TNRC18: variants seen among roughly 807,000 people sequenced by gnomAD.
TNRC18 encodes the protein trinucleotide repeat-containing gene 18 protein.
TNRC18 carries 69 observed loss-of-function variants against 226.7 expected under a neutral mutation model. The observed-to-expected ratio is 0.30, with a 90% CI of 0.25 to 0.37. TNRC18 has a LOEUF of 0.37. Among genes scored for constraint, TNRC18 ranks in the 10% least tolerant of loss-of-function variants. The pLI, the probability that TNRC18 is intolerant of heterozygous loss-of-function variation, is 1.00. For missense variants in TNRC18, 4,754 were observed against 4,256.6 expected (o/e 1.12, Z -3.25); for synonymous variants, 2,449 against 1,927.6 (o/e 1.27, Z -7.09).
rs1236611085 is a variant in TNRC18 at position 5,325,157 on chromosome 7, C to T, written c.6239G>A (p.Ser2080Asn). Residue 2080 changes from serine to asparagine, a missense_variant, in exon 20 of 30, where the codon AGC becomes AAC. Coordinates refer to ENST00000430969, the MANE Select transcript of TNRC18 (RefSeq NM_001080495.3). ...GCTCCTTTTGGCAGCGGTCAGGGAGCTGGCGTGAGGAGCCCTGGCCTCAGA... is the reference window on the plus strand; with the variant it reads ...GCTCCTTTTGGCAGCGGTCAGGGAGTTGGCGTGAGGAGCCCTGGCCTCAGA... ...LPSEARAPHASSLTAAKRSKA... is the reference protein window; with the variant it reads ...LPSEARAPHANSLTAAKRSKA... 6.4e-7 allele frequency: 1 copy of T among 1,552,166 alleles called. No individual in the cohort carries two copies. Among genetic ancestry groups the T allele is most frequent in the African/African-American group, 1.4e-5 (1 of 73,296 alleles).
chr7:5,377,467 C>T lies in TNRC18; in HGVS notation c.2365G>A (p.Gly789Ser). Residue 789 changes from glycine to serine, a missense_variant, in exon 7 of 30, where the codon GGT becomes AGT. Physicochemically the swap from Gly to Ser is moderately conservative, Grantham distance 56 (BLOSUM62 0). Transcript: ENST00000430969. The surrounding 1 kb of genome is among the most constrained non-coding windows in gnomAD (Gnocchi z 5.8). ...GCTGCGGGGTCGGCAGACCAGCGAC[C>T]TGAGCCCGCCAGCGCCGGGCCCCCC... ...VTGGPALAGSGRWSADPAAHL... is the reference protein window; with the variant it reads ...VTGGPALAGSSRWSADPAAHL... 1 of 1,576,772 alleles carries T rather than the reference C, an allele frequency of 6.3e-7. No individual in the cohort carries two copies. Among genetic ancestry groups the T allele is most frequent in the South Asian group, 1.2e-5 (1 of 86,422 alleles).
At chr7:5,414,610 C>T (rs1174526667) in intron 2 of TNRC18, among the ~76,000 whole-genome samples, 1 of 152,120 alleles carries the variant, frequency 6.6e-6, no homozygotes, top group Non-Finnish European at 1.5e-5. Flanking sequence ...GACGGGGTTT[C>T]ACCATGTTAT....
intron 18 of TNRC18, among the ~76,000 whole-genome samples, chr7:5,336,027 C>A (rs10234849): frequency 6.6e-6 from 1 of 151,528 alleles, no homozygotes; most frequent in African/African-American, 2.4e-5. Flanking sequence ...GCCAACATGG[C>A]AAAACCCCAT....
chr7:5,414,221 A>G (rs1782016266), intron 2 of TNRC18, among the ~76,000 whole-genome samples: 1 of 152,052 alleles, frequency 6.6e-6, no homozygotes, highest in African/African-American at 2.4e-5. Flanking sequence ...TGCCGGGATT[A>G]CAGGCATGAA....
intron 2 of TNRC18, among the ~76,000 whole-genome samples, chr7:5,419,105 G>A (rs1054195778): frequency 3.3e-5 from 5 of 152,232 alleles, no homozygotes; most frequent in African/African-American, 9.6e-5. Flanking sequence ...GCAGGGCTCC[G>A]AGGCTACCTC....
At chr7:5,356,079 G>A (rs1792337707) in intron 16 of TNRC18, among the ~76,000 whole-genome samples, 2 of 150,960 alleles carry the variant, frequency 1.3e-5, no homozygotes, top group Non-Finnish European at 2.9e-5. Context: ...CAAGGGAATC[G>A]CTTGAACCCA....
chr7:5,395,018 G>A (rs370922211), intron 2 of TNRC18, among the ~76,000 whole-genome samples: 16 of 152,274 alleles, frequency 1.1e-4, no homozygotes, highest in Admixed American at 6.5e-4. Context: ...ACTTACAGGC[G>A]GGGGGCTCAT....
intron 2 of TNRC18, chr7:5,420,821 G>A (rs113626522): frequency 1.0e-5 from 7 of 698,612 alleles, no homozygotes; most frequent in East Asian, 2.8e-5. Flanking sequence ...CTACCACACC[G>A]GCTTTCGGCT....
rs536769336 is a variant in TNRC18, at chr7:5,331,672, A to C, written c.6147+950T>G. On this transcript the variant is annotated intron_variant, in intron 19 of 29. Transcript: ENST00000430969. ...TGCAGTGGCTCACGCCTGGAATCTC[A>C]ACACTTTGAGAGGCTGAGGCAGGAG... Among the ~76,000 whole-genome samples, 224 of 152,288 alleles carry C rather than the reference A, an allele frequency of 1.5e-3. 1 individual carries two copies. The highest frequency in any genetic ancestry group is 4.9e-3 in the African/African-American group (204 of 41,564).
rs1369910643 is a variant in TNRC18 at position 5,387,813 on chromosome 7, C to A, written c.2011G>T (p.Ala671Ser). 9.3e-6 allele frequency: 15 copies of A among 1,607,418 alleles called. No homozygotes were observed. The highest frequency in any genetic ancestry group is 1.2e-5 in the Non-Finnish European group (14 of 1,179,646). ...TGTCGCACTTCTGCCTCACCCTGGG[C>A]ACCAGAGCCCTCGCGCCCGAAAGCT... ...AKAFGREGSG[A>S]QGEAEVRHPP... The change falls in exon 5 of 30, where the codon GCC becomes TCC. Residue 671 changes from alanine to serine, a missense_variant. Transcript: ENST00000430969.
intron 2 of TNRC18, among the ~76,000 whole-genome samples, chr7:5,414,602 C>A (rs1327011363): frequency 6.6e-6 from 1 of 151,844 alleles, no homozygotes; most frequent in Non-Finnish European, 1.5e-5. Flanking sequence ...TTAGTAGAGA[C>A]GGGGTTTCAC....
rs765161351 is a variant in TNRC18 at position 5,313,834 on chromosome 7, G to T, written c.7057C>A (p.Pro2353Thr). 15 of 1,499,180 alleles carry T rather than the reference G, an allele frequency of 1.0e-5. No homozygotes were observed. In the Admixed American group the frequency reaches 2.3e-4, roughly 23 times the overall value. 92.9% of individuals were successfully genotyped at this position (1,499,180 alleles called of 1,614,324 possible). ...GGGGTACTGGGGACCTCGTCTGTTG[G>T]GTTCCCCTCCTCCAGGGTAGCGGCT... Reference protein sequence around the residue: ...DRAATLEEGNPTDEVPSTPLA... With the variant: ...DRAATLEEGNTTDEVPSTPLA... The change falls in exon 27 of 30, where the codon CCA becomes ACA. Residue 2353 changes from proline (P) to threonine (T), a missense_variant. Coordinates refer to ENST00000430969, the MANE Select transcript of TNRC18 (RefSeq NM_001080495.3).
At chr7:5,368,486 A>C (rs1400750003) in intron 11 of TNRC18, among the ~76,000 whole-genome samples, 4 of 151,974 alleles carry the variant, frequency 2.6e-5, no homozygotes, top group Non-Finnish European at 2.9e-5. Context: ...AACATGGTGA[A>C]ACCCCATCTC....
intron 2 of TNRC18, among the ~76,000 whole-genome samples, chr7:5,419,511 G>A (rs1037519842): frequency 6.6e-6 from 1 of 152,184 alleles, no homozygotes; most frequent in Non-Finnish European, 1.5e-5. Flanking sequence ...CGCAAAAGGG[G>A]ACAGCTCAGA....
At chr7:5,386,701 G>A (rs890891286) in intron 5 of TNRC18, among the ~76,000 whole-genome samples, 1 of 152,108 alleles carries the variant, frequency 6.6e-6, no homozygotes, top group African/African-American at 2.4e-5. Context: ...GGTAAGCTAT[G>A]ATCACACCAC....
Position 5,388,094 on chromosome 7 carries a change from T to A in TNRC18, c.1730A>T (p.His577Leu), listed in dbSNP as rs945673465. The A allele has an allele frequency of 2.6e-6, 4 of 1,553,356 alleles. No homozygotes were observed. The Admixed American group carries it at 5.8e-5, about 23-fold the overall frequency. ...RPVADMHSAA[H>L]GSGEASAMQS... ...CATGGCCGAGGCCTCTCCAGACCCG[T>A]GGGCCGCAGAGTGCATGTCAGCGAC... The change falls in exon 5 of 30, where the codon CAC becomes CTC. Residue 577 changes from histidine (H) to leucine (L), a missense_variant. By Grantham distance (99) the His-to-Leu change is moderately conservative (BLOSUM62 -3). Coordinates refer to ENST00000430969, the MANE Select transcript of TNRC18 (RefSeq NM_001080495.3).
In TNRC18 at chr7:5,309,968, A is replaced by G. The variant is rs1787009324; in HGVS notation, c.8389-600T>C. On this transcript the variant is annotated intron_variant, in intron 27 of 29. Coordinates refer to ENST00000430969, the MANE Select transcript of TNRC18 (RefSeq NM_001080495.3). The surrounding 1 kb of genome is among the most constrained non-coding windows in gnomAD (Gnocchi z 5.7). ...TGCTCTGTCACCCAGGCAGGACTGC[A>G]GTGGTAATATCATAGCTCACTGCAG... Among the ~76,000 whole-genome samples, 1 of 152,160 alleles carries G rather than the reference A, an allele frequency of 6.6e-6. No individual in the cohort carries two copies. The highest frequency in any genetic ancestry group is 1.5e-5 in the Non-Finnish European group (1 of 68,016).
chr7:5,422,936 T>TC (rs1332416689), intron 1 of TNRC18: 1 of 152,210 alleles, frequency 6.6e-6, no homozygotes, highest in Non-Finnish European at 1.5e-5. Context: ...AGCCAGCGCC[T>TC]CGTAGTATGC....
rs1439965639 is a variant in TNRC18, at chr7:5,388,181, T to C, written c.1643A>G (p.Lys548Arg). Residue 548 changes from lysine to arginine, a missense_variant, in exon 5 of 30, where the codon AAG (lysine) becomes AGG (arginine). Physicochemically the swap from Lys to Arg is conservative, Grantham distance 26 (BLOSUM62 2). Transcript: ENST00000430969. ...EAAVVAASSSKKAYLDPGAVL... is the reference protein window; with the variant it reads ...EAAVVAASSSRKAYLDPGAVL... The stretch of plus-strand genomic sequence containing the variant: ...AGCCCCAGGGTCCAGGTAGGCCTTC[T>C]TGGAGGAGGAGGCAGCGACCACGGC... 5 of 1,585,436 alleles carry C rather than the reference T, an allele frequency of 3.2e-6. No homozygotes were observed. Among genetic ancestry groups the C allele is most frequent in the Non-Finnish European group, 8.6e-7 (1 of 1,167,692 alleles).
Sources: gnomAD v4.1 joint callset for allele counts (sites outside exome capture counted in the v4.1 genomes callset) on GRCh38, gnomAD v4.1.1 for gene constraint, Gnocchi (gnomAD v3.1) non-coding constraint, MANE v1.5 for transcripts, NCBI Gene and HGNC (gene_info 2026-07-23, HGNC 2026-07-21) for gene names.